TSPAN18: variants seen among roughly 807,000 people sequenced by gnomAD.
The protein encoded by TSPAN18 is tetraspanin-18.
TSPAN18 carries 14 observed loss-of-function variants against 27.3 expected under a neutral mutation model. The observed-to-expected ratio is 0.51, with a 90% CI of 0.34 to 0.80. The LOEUF (loss-of-function observed/expected upper bound fraction) is 0.80, where lower values mean the gene tolerates loss of function less well. TSPAN18 is among the 30% of genes least tolerant of loss of function. The probability of loss-of-function intolerance (pLI) is 0.01; values close to 1 mark genes in which losing one functional copy is unlikely to be tolerated. For missense variants in TSPAN18, 268 were observed against 323.9 expected (o/e 0.83, Z 1.32); for synonymous variants, 143 against 136.5 (o/e 1.05, Z -0.33).
intron 1 of TSPAN18, among the ~76,000 whole-genome samples, chr11:44,749,705 C>G (rs577304869): frequency 9.0e-5 from 13 of 144,332 alleles, no homozygotes; most frequent in African/African-American, 2.7e-4. Flanking sequence ...GGCGCGATCT[C>G]GGCTCACTGC....
At chr11:44,778,138 C>A (rs1354680133) in intron 2 of TSPAN18, among the ~76,000 whole-genome samples, 2 of 151,908 alleles carry the variant, frequency 1.3e-5, no homozygotes, top group Non-Finnish European at 2.9e-5. Flanking sequence ...GAAATGGGGG[C>A]TGGGCTGGGT....
intron 3 of TSPAN18, among the ~76,000 whole-genome samples, chr11:44,874,044 A>AG (rs1246831926): frequency 6.6e-6 from 1 of 152,124 alleles, no homozygotes; most frequent in African/African-American, 2.4e-5. Flanking sequence ...TCTGTTTCTT[A>AG]GGGGGCTTCA....
At chr11:44,913,533 T>G (rs1590681438) in intron 5 of TSPAN18, among the ~76,000 whole-genome samples, 1 of 152,342 alleles carries the variant, frequency 6.6e-6, no homozygotes, top group Non-Finnish European at 1.5e-5. Context: ...TTTAAAAATA[T>G]TTTATAATGA....
rs142081030 is a variant in TSPAN18 at position 44,827,434 on chromosome 11, C to A, written c.-152-32894C>A. Among the ~76,000 whole-genome samples, 683 of 152,302 alleles carry A rather than the reference C, an allele frequency of 4.5e-3. 6 individuals carry two copies. The highest frequency in any genetic ancestry group is 0.013 in the African/African-American group (538 of 41,558). On this transcript the variant is annotated intron_variant, in intron 2 of 9. Coordinates refer to ENST00000520358, the MANE Select transcript of TSPAN18 (RefSeq NM_130783.5). ...TGCCCTACCCAAGCCCAGGCCCAGG[C>A]CCTAGAGGAGGGTAGGTGATTCTGC...
At chr11:44,809,724 C>G (rs538691070) in intron 2 of TSPAN18, among the ~76,000 whole-genome samples, 29 of 152,240 alleles carry the variant, frequency 1.9e-4, no homozygotes, top group African/African-American at 6.7e-4. Context: ...GAGCAGCATG[C>G]GCTTCTGATC....
At chr11:44,834,372 G>A (rs1354546754) in intron 2 of TSPAN18, among the ~76,000 whole-genome samples, 1 of 152,176 alleles carries the variant, frequency 6.6e-6, no homozygotes, top group African/African-American at 2.4e-5. Flanking sequence ...AGCCACACGG[G>A]TTCTTTCTAG....
At chr11:44,926,852 T>C in intron 9 of TSPAN18, 95 bp downstream of exon 9, 1 of 1,427,564 alleles carries the variant, frequency 7.0e-7, no homozygotes, top group African/African-American at 1.4e-5. Flanking sequence ...TTCATTTCCT[T>C]CACCTGGGAC....
chr11:44,919,550 A>T, intron 7 of TSPAN18: 1 of 609,722 alleles, frequency 1.6e-6, no homozygotes, highest in Non-Finnish European at 2.9e-6. Flanking sequence ...CATTATGATG[A>T]TGATAATAAC....
chr11:44,817,069 G>A (rs1856831200), intron 2 of TSPAN18, among the ~76,000 whole-genome samples: 1 of 152,190 alleles, frequency 6.6e-6, no homozygotes, highest in African/African-American at 2.4e-5. Flanking sequence ...GTGTGAGGCT[G>A]GAGGCGAGGA....
chr11:44,761,764 G>A (rs962561446), intron 1 of TSPAN18, among the ~76,000 whole-genome samples: 4 of 152,200 alleles, frequency 2.6e-5, no homozygotes, highest in Non-Finnish European at 5.9e-5. Context: ...ACACTAATAC[G>A]TGTTCCGTGC....
chr11:44,923,510 C>T (rs928579372), intron 8 of TSPAN18, among the ~76,000 whole-genome samples: 24 of 151,870 alleles, frequency 1.6e-4, no homozygotes, highest in African/African-American at 5.1e-4. Flanking sequence ...TAGATGTAAG[C>T]TCTGGGCTAC....
At chr11:44,773,532 T>C (rs1590445847) in intron 2 of TSPAN18, among the ~76,000 whole-genome samples, 1 of 152,322 alleles carries the variant, frequency 6.6e-6, no homozygotes, top group East Asian at 1.9e-4. Context: ...TCACCGACAT[T>C]GTTTAGAACT....
chr11:44,829,116 A>G (rs1002209789), intron 2 of TSPAN18, among the ~76,000 whole-genome samples: 1 of 152,236 alleles, frequency 6.6e-6, no homozygotes, highest in African/African-American at 2.4e-5. Flanking sequence ...CCAGGCACAC[A>G]CATGGTTTCC....
chr11:44,842,058 C>T lies in TSPAN18; in HGVS notation c.-152-18270C>T, dbSNP rs149497702. On this transcript the variant is annotated intron_variant, in intron 2 of 9. Transcript: ENST00000520358. ...CCAGAGGTGGGAAACAGGTTGTTAG[C>T]GTCACATAACACATCAGGGCAAAAG... Among the ~76,000 whole-genome samples the T allele has an allele frequency of 6.0e-4, 92 of 152,272 alleles. 1 individual carries two copies. The East Asian group carries it at 0.01, about 17-fold the overall frequency.
chr11:44,924,997 G>A (rs369798568), intron 8 of TSPAN18, among the ~76,000 whole-genome samples: 4 of 152,218 alleles, frequency 2.6e-5, no homozygotes, highest in South Asian at 2.1e-4. Flanking sequence ...AGCCCTGAAC[G>A]GACCCCCAGC....
intron 3 of TSPAN18, among the ~76,000 whole-genome samples, chr11:44,866,839 C>G (rs1858050843): frequency 6.6e-6 from 1 of 152,190 alleles, no homozygotes. Context: ...AAACCAGCCG[C>G]CCCCAAGGCA....
intron 2 of TSPAN18, among the ~76,000 whole-genome samples, chr11:44,858,502 G>A (rs765934879): frequency 3.3e-5 from 5 of 152,232 alleles, no homozygotes; most frequent in African/African-American, 7.2e-5. Flanking sequence ...AGGTGAGGGT[G>A]TGCCTGAATG....
intron 3 of TSPAN18, among the ~76,000 whole-genome samples, chr11:44,871,064 T>C (rs949713467): frequency 1.3e-5 from 2 of 152,162 alleles, no homozygotes; most frequent in Admixed American, 1.3e-4. Context: ...AGGGAAGAGT[T>C]TCCAGGGACT....
At chr11:44,762,682 G>A (rs1190504902) in intron 1 of TSPAN18, among the ~76,000 whole-genome samples, 1 of 152,058 alleles carries the variant, frequency 6.6e-6, no homozygotes. Flanking sequence ...AAATTCCTCT[G>A]ATTGTAGCCT....
Sources: allele counts gnomAD v4.1 joint callset (sites outside exome capture counted in the v4.1 genomes callset), GRCh38; gene constraint gnomAD v4.1.1; transcripts MANE v1.5; gene names NCBI Gene and HGNC (gene_info 2026-07-23, HGNC 2026-07-21).